CCDC91: variants seen among roughly 807,000 people sequenced by gnomAD.
CCDC91 encodes the protein coiled-coil domain-containing protein 91.
Under a neutral mutation model 63.2 loss-of-function variants are expected in CCDC91, and 48 were observed. That is an observed-to-expected ratio of 0.76 (90% CI 0.60 to 0.97). The LOEUF (loss-of-function observed/expected upper bound fraction) is 0.97, where lower values mean the gene tolerates loss of function less well. Ranked by LOEUF, CCDC91 falls within the 50% of genes least tolerant of loss-of-function variation. The pLI is 0.00. For missense variants in CCDC91, 500 were observed against 494.6 expected (o/e 1.01, Z -0.10); for synonymous variants, 167 against 165.8 (o/e 1.01, Z -0.06).
At chr12:28,383,513 A>G (rs1592502971) in intron 7 of CCDC91, among the ~76,000 whole-genome samples, 1 of 152,102 alleles carries the variant, frequency 6.6e-6, no homozygotes, top group East Asian at 1.9e-4. Context: ...TCTTCAGACA[A>G]CTGTAATTTA....
chr12:28,354,042 A>G (rs570065570), intron 6 of CCDC91, among the ~76,000 whole-genome samples: 1 of 152,330 alleles, frequency 6.6e-6, no homozygotes, highest in South Asian at 2.1e-4. Context: ...CCCTGAACTT[A>G]AAAGCATTCA....
At chr12:28,201,851 C>T (rs1014213305) in intron 1 of CCDC91, among the ~76,000 whole-genome samples, 2 of 143,800 alleles carry the variant, frequency 1.4e-5, no homozygotes, top group Non-Finnish European at 3.1e-5. Flanking sequence ...CACAGCGAAA[C>T]CCCGTCTCCA....
intron 11 of CCDC91, among the ~76,000 whole-genome samples, chr12:28,479,206 A>G (rs1443928293): frequency 6.6e-6 from 1 of 152,162 alleles, no homozygotes; most frequent in African/African-American, 2.4e-5. Flanking sequence ...AAGACTTGGA[A>G]CCAACCCAAA....
intron 2 of CCDC91, among the ~76,000 whole-genome samples, chr12:28,257,504 G>T (rs1398583293): frequency 1.3e-5 from 2 of 152,098 alleles, no homozygotes; most frequent in African/African-American, 4.8e-5. Context: ...ACCAGTGTAA[G>T]CACTAAAGGA....
At chr12:28,484,586 A>G (rs530945915) in intron 12 of CCDC91, among the ~76,000 whole-genome samples, 19 of 152,294 alleles carry the variant, frequency 1.2e-4, no homozygotes, top group South Asian at 2.1e-4. Context: ...TAGCAAATTC[A>G]GGCTCTTCTG....
chr12:28,225,529 C>T (rs933859950), intron 1 of CCDC91, among the ~76,000 whole-genome samples: 1 of 152,192 alleles, frequency 6.6e-6, no homozygotes, highest in South Asian at 2.1e-4. Context: ...CGGCTCACTG[C>T]AACCTCCGCC....
chr12:28,547,384 C>T (rs1943063578), intron 12 of CCDC91, among the ~76,000 whole-genome samples: 1 of 152,080 alleles, frequency 6.6e-6, no homozygotes, highest in African/African-American at 2.4e-5. Context: ...AAAAGTACAT[C>T]TGTCATTTTC....
intron 8 of CCDC91, among the ~76,000 whole-genome samples, chr12:28,409,660 C>A (rs1947194516): frequency 6.6e-6 from 1 of 152,006 alleles, no homozygotes; most frequent in Admixed American, 6.6e-5. Context: ...GGCTTTTCTT[C>A]TAAAATGTAG....
chr12:28,492,029 A>G (rs1325853275), intron 12 of CCDC91, among the ~76,000 whole-genome samples: 2 of 151,522 alleles, frequency 1.3e-5, no homozygotes, highest in African/African-American at 2.4e-5. Flanking sequence ...AGGGACCACA[A>G]TTGCCTTCAC....
At chr12:28,332,851 G>A (rs1194289041) in intron 6 of CCDC91, among the ~76,000 whole-genome samples, 1 of 151,756 alleles carries the variant, frequency 6.6e-6, no homozygotes, top group African/African-American at 2.4e-5. Context: ...TCTAACACAA[G>A]TGTTTTTTTT....
chr12:28,316,216 G>A (rs570875377), intron 6 of CCDC91, among the ~76,000 whole-genome samples: 48 of 151,900 alleles, frequency 3.2e-4, no homozygotes, highest in African/African-American at 1.1e-3. Context: ...TTCTCTGACT[G>A]TGTCTTCCTT....
chr12:28,218,659 C>T (rs969452290), intron 1 of CCDC91, among the ~76,000 whole-genome samples: 1 of 150,078 alleles, frequency 6.7e-6, no homozygotes, highest in African/African-American at 2.5e-5. Context: ...TGAAGTTTTG[C>T]CTTTTCAAGA....
intron 12 of CCDC91, among the ~76,000 whole-genome samples, chr12:28,533,769 A>AG (rs1269866833): frequency 6.6e-6 from 1 of 151,900 alleles, no homozygotes; most frequent in Non-Finnish European, 1.5e-5. Context: ...CAGAATAATG[A>AG]GAACCAGATT....
At chr12:28,329,342 C>G (rs1169029364) in intron 6 of CCDC91, among the ~76,000 whole-genome samples, 7 of 152,076 alleles carry the variant, frequency 4.6e-5, no homozygotes, top group Non-Finnish European at 2.9e-5. Flanking sequence ...TCATTCCCAC[C>G]AAATTCTTCC....
intron 12 of CCDC91, among the ~76,000 whole-genome samples, chr12:28,517,722 G>A (rs572087198): frequency 5.3e-5 from 8 of 151,692 alleles, no homozygotes; most frequent in Non-Finnish European, 8.8e-5. Flanking sequence ...GTGAGATTTT[G>A]GTGCACCCAT....
chr12:28,293,671 C>G (rs529514001), intron 3 of CCDC91, among the ~76,000 whole-genome samples: 1 of 151,854 alleles, frequency 6.6e-6, no homozygotes, highest in Admixed American at 6.6e-5. Flanking sequence ...ATCTCTCTGT[C>G]TCTTTTTAAC....
rs1351780065 is a variant in CCDC91, at chr12:28,217,650, A to T, written c.-15+27009A>T. Among the ~76,000 whole-genome samples, 10 of 152,164 alleles carry T rather than the reference A, an allele frequency of 6.6e-5. No individual in the cohort carries two copies. In the East Asian group the frequency reaches 1.9e-3, roughly 29 times the overall value. On this transcript the variant is annotated intron_variant, in intron 1 of 12. Transcript: ENST00000536442. ...CTGTAGGATTTCATGGTAGGAATAG[A>T]TTACCAACAGCAGAGTGGGAGAAGT...
chr12:28,239,119 CG>C (rs1945161769), intron 1 of CCDC91, among the ~76,000 whole-genome samples: 1 of 130,478 alleles, frequency 7.7e-6, no homozygotes, highest in Non-Finnish European at 1.6e-5. Flanking sequence ...GACTCTGTCT[CG>C]GAAAAAAAAA....
rs1199297364 is a variant in CCDC91, at chr12:28,241,105, C to T, written c.-14-16097C>T. ...TAGTCTGGTAGGTATGTGGTGGTGT[C>T]TCATTGTGGCCTTAATTTCCATTTC... On this transcript the variant is annotated intron_variant, in intron 1 of 12. Coordinates refer to ENST00000536442, the MANE Select transcript of CCDC91 (RefSeq NM_018318.5). Among the ~76,000 whole-genome samples the T allele has an allele frequency of 2.6e-5, 4 of 152,038 alleles. No homozygotes were observed. In the East Asian group the frequency reaches 7.7e-4, roughly 29 times the overall value.
Sources: allele counts gnomAD v4.1 joint callset (sites outside exome capture counted in the v4.1 genomes callset), GRCh38; gene constraint gnomAD v4.1.1; transcripts MANE v1.5; gene names NCBI Gene and HGNC (gene_info 2026-07-23, HGNC 2026-07-21).